The following TDRD12 variants were observed in gnomAD, a reference collection of about 807,000 sequenced individuals.
TDRD12 encodes the protein tudor domain containing 12.
Under a neutral mutation model 133.5 loss-of-function variants are expected in TDRD12, and 158 were observed. That is an observed-to-expected ratio of 1.18 (90% CI 1.04 to 1.35). The LOEUF is 1.35. Among genes scored for constraint, TDRD12 ranks in the 40% most tolerant of loss-of-function variants. The pLI, the probability that TDRD12 is intolerant of heterozygous loss-of-function variation, is 0.00. For missense variants in TDRD12, 1,443 were observed against 1,321.3 expected, an observed-to-expected ratio of 1.09 and a Z score of -1.43; for synonymous variants, 460 against 477.9, an observed-to-expected ratio of 0.96 and a Z score of 0.49.
chr19:32,720,214 C>A, intron 1 of TDRD12, 118 bp downstream of exon 1: 1 of 1,157,548 alleles, frequency 8.6e-7, no homozygotes, highest in Non-Finnish European at 1.2e-6. Flanking sequence ...CCCACCGCAG[C>A]CCCGCACAGC....
At chr19:32,825,654 G>A (rs1043784587), downstream of TDRD12, among the ~76,000 whole-genome samples, 2 of 152,192 alleles carry the variant, frequency 1.3e-5, no homozygotes, top group African/African-American at 4.8e-5. The surrounding 1 kb of genome is among the most constrained non-coding windows in gnomAD (Gnocchi z 4.1). Context: ...GGCCGAGGCA[G>A]GTAGATCACC....
chr19:32,802,593 T>G, intron 19 of TDRD12, 63 bp from the exon 20 acceptor site: 1 of 1,506,156 alleles, frequency 6.6e-7, no homozygotes, highest in South Asian at 1.2e-5. Flanking sequence ...CCGTGGGAAC[T>G]GCCGGTTAAA....
rs185476183 is a variant in TDRD12, at chr19:32,827,587, A to C, written c.*421A>C. 673 of 156,216 alleles carry C rather than the reference A, an allele frequency of 4.3e-3. 6 individuals carry two copies. Among genetic ancestry groups the C allele is most frequent in the African/African-American group, 0.015 (636 of 41,534 alleles). 9.7% of individuals were successfully genotyped at this position (156,216 alleles called of 1,614,324 possible). A position where few individuals can be genotyped will look rare whatever the true frequency, so the allele number is the denominator to read the frequency against. Reference sequence around the variant, plus strand: ...TAGAGACAGGGTTTCACCATGTTGGACAGGCTGGTCTCGAACTCCTGACCT... The same window carrying C: ...TAGAGACAGGGTTTCACCATGTTGGCCAGGCTGGTCTCGAACTCCTGACCT... On this transcript the variant is annotated 3_prime_UTR_variant, in exon 10 of 10. Transcript: ENST00000637289.
exon 26 of TDRD12, chr19:32,815,578 A>C: frequency 1.3e-6 from 2 of 1,536,252 alleles, no homozygotes; most frequent in Non-Finnish European, 1.7e-6. Flanking sequence ...TTACGCGAAG[A>C]TGCTAAGATA....
intron 1 of TDRD12, among the ~76,000 whole-genome samples, chr19:32,722,773 G>A (rs755850304): frequency 6.6e-6 from 1 of 150,802 alleles, no homozygotes; most frequent in Non-Finnish European, 1.5e-5. Context: ...TCCGCCTCCC[G>A]AGTTCAAGCG....
chr19:32,746,001 A>T (rs7246452), intron 4 of TDRD12, among the ~76,000 whole-genome samples: 3,061 of 36,532 alleles, frequency 0.084, 218 homozygotes, highest in African/African-American at 0.28. Context: ...TGTGTGTGTG[A>T]GAGAGAGAAG....
exon 4 of TDRD12, chr19:32,742,806 A>T: frequency 6.4e-7 from 1 of 1,551,926 alleles, no homozygotes; most frequent in Non-Finnish European, 8.7e-7. Context: ...AGAATCGTTT[A>T]TGCAGCTTCC....
chr19:32,827,666 C>T (rs943582982), exon 10 of TDRD12: 1 of 152,616 alleles, frequency 6.6e-6, no homozygotes, highest in Admixed American at 6.5e-5. Flanking sequence ...AGGTGTGAGC[C>T]ACCACACCCG....
At chr19:32,724,863 C>T (rs766420927) in intron 1 of TDRD12, among the ~76,000 whole-genome samples, 22 of 152,330 alleles carry the variant, frequency 1.4e-4, no homozygotes, top group Non-Finnish European at 2.5e-4. Context: ...TCTCCACAGC[C>T]TTGCCAGCCA....
intron 1 of TDRD12, among the ~76,000 whole-genome samples, chr19:32,726,803 G>A (rs1453582826): frequency 6.6e-6 from 1 of 152,052 alleles, no homozygotes; most frequent in Non-Finnish European, 1.5e-5. Context: ...CTGAATAATA[G>A]TCCATTCTGT....
At chr19:32,816,210 C>T (rs978726138) in intron 26 of TDRD12, among the ~76,000 whole-genome samples, 17 of 152,156 alleles carry the variant, frequency 1.1e-4, no homozygotes, top group Non-Finnish European at 2.2e-4. Flanking sequence ...ACAAATAACG[C>T]ACACACAGAA....
At chr19:32,786,543 G>A (rs915325023) in intron 11 of TDRD12, among the ~76,000 whole-genome samples, 1 of 152,102 alleles carries the variant, frequency 6.6e-6, no homozygotes, top group Non-Finnish European at 1.5e-5. Flanking sequence ...CATTCTCCCC[G>A]TTGCTTTCAG....
At chr19:32,802,760 T>C (rs1197467346) in exon 20 of TDRD12, 2 of 1,536,722 alleles carry the variant, frequency 1.3e-6, no homozygotes, top group Middle Eastern at 1.7e-4. Context: ...ACGCCTGTAT[T>C]GCATGTCTGA....
chr19:32,820,893 G>T (rs879661664), intron 27 of TDRD12, 140 bp from the exon 28 acceptor site: 4 of 626,016 alleles, frequency 6.4e-6, no homozygotes, highest in Non-Finnish European at 1.1e-5. Context: ...GCTGCCTGGG[G>T]CATCTTAAAT....
chr19:32,731,823 C>T, exon 2 of TDRD12: 1 of 1,551,430 alleles, frequency 6.4e-7, no homozygotes, highest in Non-Finnish European at 8.7e-7. Flanking sequence ...CCATGAATGA[C>T]TTCTACAACA....
chr19:32,786,594 C>G (rs1970913929), intron 11 of TDRD12, among the ~76,000 whole-genome samples: 1 of 152,118 alleles, frequency 6.6e-6, no homozygotes, highest in Non-Finnish European at 1.5e-5. Context: ...TCACATAGTC[C>G]CATATTTCTT....
intron 1 of TDRD12, among the ~76,000 whole-genome samples, chr19:32,724,210 G>A (rs541648330): frequency 3.2e-4 from 49 of 152,222 alleles, no homozygotes; most frequent in Non-Finnish European, 4.9e-4. Context: ...ATAGTAATAC[G>A]ATTGAATTAT....
chr19:32,729,043 CATAT>C (rs1968954689), intron 1 of TDRD12, among the ~76,000 whole-genome samples: 1 of 149,660 alleles, frequency 6.7e-6, no homozygotes, highest in Non-Finnish European at 1.5e-5. Context: ...TATCTATATA[CATAT>C]AGAGTTTCCA....
At chr19:32,823,413 A>G (rs1967472584), downstream of TDRD12, among the ~76,000 whole-genome samples, 1 of 151,784 alleles carries the variant, frequency 6.6e-6, no homozygotes, top group Non-Finnish European at 1.5e-5. Context: ...GTTGTGAAGG[A>G]TGGGGGTCAT....
Sources: gnomAD v4.1 joint callset for allele counts (sites outside exome capture counted in the v4.1 genomes callset) on GRCh38, gnomAD v4.1.1 for gene constraint, Gnocchi (gnomAD v3.1) non-coding constraint, MANE v1.5 for transcripts, NCBI Gene and HGNC (gene_info 2026-07-23, HGNC 2026-07-21) for gene names.